Variants in LRRC69 observed in about 807,000 individuals in gnomAD.
LRRC69 encodes the protein leucine-rich repeat-containing protein 69.
Under a neutral mutation model 37.8 loss-of-function variants are expected in LRRC69, and 42 were observed. The ratio of observed to expected loss-of-function variants is 1.11; its 90% confidence interval spans 0.87 to 1.44. The LOEUF (loss-of-function observed/expected upper bound fraction) is 1.44, where lower values mean the gene tolerates loss of function less well. Among genes scored for constraint, LRRC69 ranks in the 40% most tolerant of loss-of-function variants. The pLI, the probability that LRRC69 is intolerant of heterozygous loss-of-function variation, is 0.00. For synonymous variants in LRRC69, 141 were observed against 143.1 expected (o/e 0.99, Z 0.11); for missense variants, 357 against 401.9 (o/e 0.89, Z 0.96).
intron 7 of LRRC69, among the ~76,000 whole-genome samples, chr8:91,214,051 T>C (rs1809990597): frequency 6.6e-6 from 1 of 152,126 alleles, no homozygotes; most frequent in Admixed American, 6.6e-5. Context: ...AAAGAGTCAC[T>C]TGGCAATAGT....
chr8:91,102,695 G>T, exon 1 of LRRC69: 1 of 1,551,358 alleles, frequency 6.4e-7, no homozygotes, highest in South Asian at 1.2e-5. Flanking sequence ...AGCATTGAGT[G>T]GTGGTAAAAA....
intron 1 of LRRC69, among the ~76,000 whole-genome samples, chr8:91,121,231 T>G (rs1000797792): frequency 1.3e-5 from 2 of 152,062 alleles, no homozygotes; most frequent in Non-Finnish European, 2.9e-5. Flanking sequence ...TGTGTTTCAC[T>G]TCTTGCTACC....
intron 6 of LRRC69, among the ~76,000 whole-genome samples, chr8:91,198,197 A>G (rs1809651743): frequency 6.6e-6 from 1 of 152,186 alleles, no homozygotes; most frequent in South Asian, 2.1e-4. Context: ...TAGCGGGAAT[A>G]TACTGCATTA....
intron 6 of LRRC69, among the ~76,000 whole-genome samples, chr8:91,191,051 C>A (rs779662236): frequency 0.027 from 3,863 of 143,128 alleles, 238 homozygotes; most frequent in African/African-American, 0.091. Context: ...ACCCCCCCCC[C>A]CCCAAGTCAA....
intron 5 of LRRC69, among the ~76,000 whole-genome samples, chr8:91,188,779 A>C: frequency 6.7e-6 from 1 of 150,352 alleles, no homozygotes; most frequent in Non-Finnish European, 1.5e-5. Flanking sequence ...AATTGGATTT[A>C]GACTTTCTCC....
chr8:91,208,143 A>G (rs1809838596), intron 7 of LRRC69, among the ~76,000 whole-genome samples: 1 of 152,148 alleles, frequency 6.6e-6, no homozygotes, highest in African/African-American at 2.4e-5. Flanking sequence ...CCTATCTCCA[A>G]ATACAGTGAC....
At chr8:91,171,346 T>C (rs1023618491) in intron 5 of LRRC69, among the ~76,000 whole-genome samples, 8 of 151,978 alleles carry the variant, frequency 5.3e-5, no homozygotes, top group African/African-American at 1.2e-4. Flanking sequence ...CTTCGGAGGA[T>C]CATAAACAAT....
At chr8:91,103,528 A>G (rs2130467585) in intron 1 of LRRC69, among the ~76,000 whole-genome samples, 1 of 152,154 alleles carries the variant, frequency 6.6e-6, no homozygotes, top group East Asian at 1.9e-4. Flanking sequence ...AAGGCAAGGG[A>G]TATTAACTTT....
chr8:91,176,338 G>A (rs1005697033), intron 5 of LRRC69, among the ~76,000 whole-genome samples: 3 of 151,304 alleles, frequency 2.0e-5, no homozygotes, highest in Non-Finnish European at 4.4e-5. Context: ...GTAGAGATGG[G>A]GTTTCACCAT....
intron 5 of LRRC69, among the ~76,000 whole-genome samples, chr8:91,177,053 C>CT (rs1416803753): frequency 6.6e-6 from 1 of 151,934 alleles, no homozygotes; most frequent in Non-Finnish European, 1.5e-5. Context: ...TAATTATAGT[C>CT]TTTTTTGGGG....
intron 5 of LRRC69, chr8:91,158,016 A>G (rs1255652950): frequency 3.0e-6 from 4 of 1,327,880 alleles, no homozygotes; most frequent in Non-Finnish European, 3.3e-6. Context: ...CTTCATGCAG[A>G]TGTTGGAGAC....
chr8:91,108,172 G>T (rs1394535381), intron 1 of LRRC69, among the ~76,000 whole-genome samples: 1 of 151,976 alleles, frequency 6.6e-6, no homozygotes, highest in Non-Finnish European at 1.5e-5. Context: ...ATAAACAATT[G>T]ACAGTAAATA....
chr8:91,203,974 T>C lies in LRRC69; in HGVS notation c.933+3182T>C, dbSNP rs1809755317. Among the ~76,000 whole-genome samples the C allele has an allele frequency of 2.0e-5, 3 of 151,582 alleles. 1 individual carries two copies. The South Asian group carries it at 6.3e-4, about 32-fold the overall frequency. On this transcript the variant is annotated intron_variant, in intron 7 of 7. Coordinates refer to ENST00000448384, the Ensembl canonical transcript of LRRC69. ...CTCTACTAAAAAAAATACAAAAAAT[T>C]AGCCGGGTGTGGTGGCGGGCACCTA...
At chr8:91,130,093 C>T (rs1025081401) in intron 3 of LRRC69, among the ~76,000 whole-genome samples, 1 of 151,986 alleles carries the variant, frequency 6.6e-6, no homozygotes, top group Non-Finnish European at 1.5e-5. Context: ...ATTCTTACCT[C>T]TCATAAGCAA....
intron 5 of LRRC69, among the ~76,000 whole-genome samples, chr8:91,162,116 G>C (rs10112399): frequency 0.032 from 4,820 of 151,346 alleles, 243 homozygotes; most frequent in African/African-American, 0.11. Flanking sequence ...TGATCTGAAA[G>C]ATACTTATGA....
chr8:91,129,196 C>A (rs1813766875), intron 3 of LRRC69, among the ~76,000 whole-genome samples: 1 of 151,908 alleles, frequency 6.6e-6, no homozygotes, highest in South Asian at 2.1e-4. Context: ...CATGGGCATC[C>A]TGGTGACAGA....
At chr8:91,119,643 G>A (rs748983693) in intron 1 of LRRC69, among the ~76,000 whole-genome samples, 10 of 151,894 alleles carry the variant, frequency 6.6e-5, no homozygotes, top group African/African-American at 2.2e-4. Flanking sequence ...TGTGGTTGTC[G>A]TTCACCCTAC....
chr8:91,152,020 GT>G (rs1334450881), intron 5 of LRRC69, among the ~76,000 whole-genome samples: 2 of 151,422 alleles, frequency 1.3e-5, no homozygotes, highest in East Asian at 3.9e-4. Context: ...TAAGTTCCTT[GT>G]AAATTCTGAA....
chr8:91,142,129 C>T (rs992758142), intron 5 of LRRC69, among the ~76,000 whole-genome samples: 4 of 151,860 alleles, frequency 2.6e-5, no homozygotes, highest in African/African-American at 7.2e-5. Context: ...TCAGGAGCCC[C>T]GTTATTTTTC....
Sources: gnomAD v4.1 joint callset for allele counts (sites outside exome capture counted in the v4.1 genomes callset) on GRCh38, gnomAD v4.1.1 for gene constraint, MANE v1.5 for transcripts, NCBI Gene and HGNC (gene_info 2026-07-23, HGNC 2026-07-21) for gene names.